The following DGKH variants were observed in gnomAD, a reference collection of about 807,000 sequenced individuals.
DGKH encodes the protein DAG kinase eta.
Under a neutral mutation model 159.3 loss-of-function variants are expected in DGKH, and 90 were observed. That is an observed-to-expected ratio of 0.57 (90% CI 0.48 to 0.67). The LOEUF (loss-of-function observed/expected upper bound fraction) is 0.67, where lower values mean the gene tolerates loss of function less well. Among genes scored for constraint, DGKH ranks in the 30% least tolerant of loss-of-function variants. DGKH has a pLI of 0.00. For synonymous variants in DGKH, 536 were observed against 553.8 expected (o/e 0.97, Z 0.45); for missense variants, 1,181 against 1,506.1 (o/e 0.78, Z 3.57).
intron 13 of DGKH, 79 bp downstream of exon 13, chr13:42,178,299 G>A: frequency 9.0e-7 from 1 of 1,112,252 alleles, no homozygotes; most frequent in South Asian, 2.0e-5. Flanking sequence ...TCATTTCTTT[G>A]TGAGTTTTCT....
In DGKH at chr13:42,238,420, T is replaced by C. The variant is rs182323547; in HGVS notation, c.*9232T>C. 104 of 152,296 alleles carry C rather than the reference T, an allele frequency of 6.8e-4. No homozygotes were observed. Among genetic ancestry groups the C allele is most frequent in the African/African-American group, 2.4e-3 (99 of 41,580 alleles). The allele number at this position is 152,296 out of a possible 1,614,324, so 9.4% of individuals were successfully genotyped here. On this transcript the variant is annotated 3_prime_UTR_variant, in exon 30 of 30. Coordinates refer to ENST00000337343, the MANE Select transcript of DGKH (RefSeq NM_178009.5). Reference sequence around the variant, plus strand: ...AACTCACTTCTAAAATCTTCAAAAATTTTGAATAGTTTCATTTTTTCAATA... The same window carrying C: ...AACTCACTTCTAAAATCTTCAAAAACTTTGAATAGTTTCATTTTTTCAATA...
chr13:42,245,180 A>G (rs1958571533), downstream of DGKH, among the ~76,000 whole-genome samples: 1 of 152,148 alleles, frequency 6.6e-6, no homozygotes, highest in African/African-American at 2.4e-5. Context: ...GACAGCAAAA[A>G]CTGATTATCT....
chr13:42,078,936 G>A (rs1198688118), intron 1 of DGKH, among the ~76,000 whole-genome samples: 2 of 89,438 alleles, frequency 2.2e-5, no homozygotes, highest in Non-Finnish European at 4.0e-5. Context: ...TTTTTTTTGA[G>A]ATGGAGTCTG....
At chr13:42,247,846 A>G (rs1958593253), downstream of DGKH, among the ~76,000 whole-genome samples, 1 of 6,258 alleles carries the variant, frequency 1.6e-4, no homozygotes, top group African/African-American at 2.6e-4. Context: ...TGGATTAAGG[A>G]TATAAAGAAA....
chr13:42,060,704 A>G (rs1256268255), intron 1 of DGKH, among the ~76,000 whole-genome samples: 3 of 152,188 alleles, frequency 2.0e-5, no homozygotes, highest in Non-Finnish European at 4.4e-5. Flanking sequence ...ATCCCCACCC[A>G]CAAGGACCTC....
In DGKH at chr13:42,238,192, T is replaced by A. The variant is rs1958455427; in HGVS notation, c.*9004T>A. On this transcript the variant is annotated 3_prime_UTR_variant, in exon 30 of 30. Transcript: ENST00000337343. Reference sequence around the variant, plus strand: ...GTATGAATCATACCTAATTTTACAATTTCTTTCCCACGGTCATTTTGGATA... The same window carrying A: ...GTATGAATCATACCTAATTTTACAAATTCTTTCCCACGGTCATTTTGGATA... 1 of 152,216 alleles carries A rather than the reference T, an allele frequency of 6.6e-6. No individual in the cohort carries two copies. The highest frequency in any genetic ancestry group is 2.4e-5 in the African/African-American group (1 of 41,472). The allele number at this position is 152,216 out of a possible 1,614,324, so 9.4% of individuals were successfully genotyped here.
chr13:42,125,006 C>T (rs1196089807), intron 1 of DGKH, among the ~76,000 whole-genome samples: 1 of 152,144 alleles, frequency 6.6e-6, no homozygotes, highest in Non-Finnish European at 1.5e-5. Flanking sequence ...TGCAGCTAGA[C>T]CCTCCCCTAG....
intron 1 of DGKH, among the ~76,000 whole-genome samples, chr13:42,095,338 T>G (rs1317766256): frequency 6.6e-6 from 1 of 151,878 alleles, no homozygotes; most frequent in Non-Finnish European, 1.5e-5. Context: ...AATTTTTTTA[T>G]TTTTTGTAGA....
downstream of DGKH, among the ~76,000 whole-genome samples, chr13:42,245,276 A>C (rs1383519347): frequency 6.6e-6 from 1 of 152,168 alleles, no homozygotes; most frequent in Non-Finnish European, 1.5e-5. Flanking sequence ...ACGGTTGTTG[A>C]CCCTTGAGAA....
chr13:42,067,890 T>G (rs187968826), intron 1 of DGKH, among the ~76,000 whole-genome samples: 169 of 152,238 alleles, frequency 1.1e-3, no homozygotes, highest in South Asian at 8.5e-3. Flanking sequence ...GATCATTCAG[T>G]GAAAACAAAA....
At position 42,219,365 on chromosome 13, in the gene DGKH, C is replaced by G. The variant is rs1957904806; in HGVS notation, c.3333+16C>G. Reference sequence around the variant, plus strand: ...TGAGGATGAGGTATGTAAAATTCAGCCTGTTTCTCTAGAAATGTAGACCAT... The same window carrying G: ...TGAGGATGAGGTATGTAAAATTCAGGCTGTTTCTCTAGAAATGTAGACCAT... On this transcript the variant is annotated intron_variant, in intron 27 of 29. Transcript: ENST00000337343. 2 of 1,612,198 alleles carry G rather than the reference C, an allele frequency of 1.2e-6. No individual in the cohort carries two copies. The highest frequency in any genetic ancestry group is 1.7e-6 in the Non-Finnish European group (2 of 1,179,322).
rs996825822 is a variant in DGKH, at chr13:42,132,996, G to A, written c.384+3364G>A. ...ATCCTGGCTAACACGGTGAAACCCC[G>A]TCTTTACTAAAAAAAATACAAAAAA... On this transcript the variant is annotated intron_variant, in intron 3 of 29. Coordinates refer to ENST00000337343, the MANE Select transcript of DGKH (RefSeq NM_178009.5). Among the ~76,000 whole-genome samples the A allele has an allele frequency of 3.2e-4, 49 of 151,934 alleles. 2 individuals carry two copies. The highest frequency in any genetic ancestry group is 1.0e-3 in the African/African-American group (43 of 41,448).
chr13:42,132,373 T>A (rs1004467470), intron 3 of DGKH, among the ~76,000 whole-genome samples: 6 of 152,252 alleles, frequency 3.9e-5, no homozygotes, highest in Admixed American at 6.5e-5. Context: ...TGAAAATTAT[T>A]CTTCCTATTT....
intron 1 of DGKH, among the ~76,000 whole-genome samples, chr13:42,107,264 G>A (rs748216530): frequency 5.3e-5 from 8 of 152,218 alleles, no homozygotes; most frequent in Non-Finnish European, 1.2e-4. Context: ...CCTGCAGAAA[G>A]CCACCCATAT....
At position 42,145,605 on chromosome 13, in the gene DGKH, C is replaced by T. The variant is rs1594090982; in HGVS notation, c.385-9686C>T. 2.6e-5 allele frequency among the ~76,000 whole-genome samples: 4 copies of T among 152,144 alleles called. No homozygotes were observed. In the South Asian group the frequency reaches 8.3e-4, roughly 32 times the overall value. On this transcript the variant is annotated intron_variant, in intron 3 of 29. Coordinates refer to ENST00000337343, the MANE Select transcript of DGKH (RefSeq NM_178009.5). The stretch of plus-strand genomic sequence containing the variant: ...GCTGACATCTTAGAAGGTGTGGCTA[C>T]ACAACAGCCCTGGCCCTTGACATCA...
intron 29 of DGKH, among the ~76,000 whole-genome samples, chr13:42,252,196 G>A (rs1958625296): frequency 6.6e-6 from 1 of 151,724 alleles, no homozygotes; most frequent in Non-Finnish European, 1.5e-5. Flanking sequence ...TGAATGTATG[G>A]TAGAATTATC....
At chr13:42,076,790 A>G (rs893115761) in intron 1 of DGKH, among the ~76,000 whole-genome samples, 1 of 152,196 alleles carries the variant, frequency 6.6e-6, no homozygotes, top group Non-Finnish European at 1.5e-5. Context: ...CAGATGTGAC[A>G]GTGTAATTCA....
chr13:42,132,854 G>C (rs1955314999), intron 3 of DGKH, among the ~76,000 whole-genome samples: 1 of 152,110 alleles, frequency 6.6e-6, no homozygotes, highest in Non-Finnish European at 1.5e-5. Flanking sequence ...CTGGGCAACA[G>C]AGTGAGACCC....
downstream of DGKH, among the ~76,000 whole-genome samples, chr13:42,247,548 A>G (rs1284768263): frequency 6.6e-6 from 1 of 152,152 alleles, no homozygotes; most frequent in African/African-American, 2.4e-5. Context: ...TTTTATCATT[A>G]TATTAGAGGG....
Sources: allele counts gnomAD v4.1 joint callset (sites outside exome capture counted in the v4.1 genomes callset), GRCh38; gene constraint gnomAD v4.1.1; transcripts MANE v1.5; gene names NCBI Gene and HGNC (gene_info 2026-07-23, HGNC 2026-07-21).